SPIN1: variants seen among roughly 807,000 people sequenced by gnomAD.
SPIN1 encodes spindlin 1.
A neutral mutation model predicts 26.0 loss-of-function variants in SPIN1; 3 were observed. That is an observed-to-expected ratio of 0.12 (90% CI 0.05 to 0.30). The LOEUF (loss-of-function observed/expected upper bound fraction) is 0.30, where lower values mean the gene tolerates loss of function less well. Among genes scored for constraint, SPIN1 ranks in the 10% least tolerant of loss-of-function variants. SPIN1 has a pLI of 1.00. For synonymous variants in SPIN1, 101 were observed against 116.5 expected, an observed-to-expected ratio of 0.87 and a Z score of 0.86; for missense variants, 126 against 333.4, an observed-to-expected ratio of 0.38 and a Z score of 4.84.
At chr9:88,420,674 G>T (rs1481085177) in intron 1 of SPIN1, among the ~76,000 whole-genome samples, 1 of 152,186 alleles carries the variant, frequency 6.6e-6, no homozygotes, top group Non-Finnish European at 1.5e-5. Context: ...TTGTGTAAAA[G>T]AAGGAAGTTA....
intron 1 of SPIN1, among the ~76,000 whole-genome samples, chr9:88,396,334 C>T (rs1827057721): frequency 6.6e-6 from 1 of 151,786 alleles, no homozygotes; most frequent in Non-Finnish European, 1.5e-5. Flanking sequence ...CGGTGGCTCA[C>T]ACCTGTACTG....
At chr9:88,473,850 CA>C (rs2118238891) in intron 5 of SPIN1, among the ~76,000 whole-genome samples, 2 of 152,158 alleles carry the variant, frequency 1.3e-5, no homozygotes, top group Admixed American at 1.3e-4. Context: ...AAACGTGCCA[CA>C]AAAATATGGC....
intron 1 of SPIN1, among the ~76,000 whole-genome samples, chr9:88,421,195 T>C (rs992467437): frequency 7.2e-5 from 11 of 152,214 alleles, no homozygotes; most frequent in Non-Finnish European, 8.8e-5. Context: ...TTCTCAGGCA[T>C]AACCACAATG....
At chr9:88,397,629 GTT>G (rs797005965) in intron 1 of SPIN1, among the ~76,000 whole-genome samples, 10 of 145,102 alleles carry the variant, frequency 6.9e-5, no homozygotes, top group African/African-American at 2.0e-4. Flanking sequence ...TGTCTGAAGT[GTT>G]TTTTTTTTTT....
At chr9:88,433,280 G>A (rs1402167789) in intron 2 of SPIN1, among the ~76,000 whole-genome samples, 3 of 151,502 alleles carry the variant, frequency 2.0e-5, no homozygotes, top group African/African-American at 7.3e-5. Context: ...ATGGGGTTTC[G>A]CCATGTTGCC....
chr9:88,451,894 G>C (rs560774771), intron 3 of SPIN1, among the ~76,000 whole-genome samples: 2 of 152,252 alleles, frequency 1.3e-5, no homozygotes, highest in East Asian at 3.9e-4. Flanking sequence ...ATATAGTTGG[G>C]GGAGTGTCTA....
intron 4 of SPIN1, among the ~76,000 whole-genome samples, chr9:88,466,391 C>T (rs979514004): frequency 6.6e-6 from 1 of 152,176 alleles, no homozygotes; most frequent in South Asian, 2.1e-4. Flanking sequence ...CTCCTGGCCT[C>T]AAGCAATCCT....
At chr9:88,408,735 G>A (rs1183546012) in intron 1 of SPIN1, among the ~76,000 whole-genome samples, 10 of 146,138 alleles carry the variant, frequency 6.8e-5, no homozygotes, top group Admixed American at 2.1e-4. Context: ...GTGCAATGGC[G>A]CGATCTCGGC....
intron 1 of SPIN1, among the ~76,000 whole-genome samples, chr9:88,406,883 T>C (rs1827322541): frequency 6.6e-6 from 1 of 152,186 alleles, no homozygotes. Context: ...GTTGAGCTCA[T>C]TTTTATTCAC....
intron 3 of SPIN1, among the ~76,000 whole-genome samples, chr9:88,453,878 C>G (rs560631045): frequency 6.6e-6 from 1 of 152,292 alleles, no homozygotes; most frequent in East Asian, 1.9e-4. Flanking sequence ...AATCAGTACA[C>G]TAAATTATGG....
chr9:88,396,977 G>C (rs373872083), intron 1 of SPIN1, among the ~76,000 whole-genome samples: 9 of 152,192 alleles, frequency 5.9e-5, no homozygotes, highest in African/African-American at 2.2e-4. Context: ...TGGCATGCCT[G>C]TGTAGGGCAC....
At chr9:88,431,819 G>A (rs1368921268) in intron 2 of SPIN1, among the ~76,000 whole-genome samples, 4 of 152,108 alleles carry the variant, frequency 2.6e-5, no homozygotes. Flanking sequence ...GGAAGCTGAG[G>A]TAGGAGGATC....
chr9:88,388,770 C>T (rs904488589), intron 1 of SPIN1, among the ~76,000 whole-genome samples: 2 of 149,808 alleles, frequency 1.3e-5, no homozygotes, highest in Admixed American at 6.6e-5. Flanking sequence ...TGTTCGCCGG[C>T]CCCTACTCCT....
intron 3 of SPIN1, among the ~76,000 whole-genome samples, chr9:88,451,625 A>G (rs566099056): frequency 3.3e-5 from 5 of 152,190 alleles, no homozygotes; most frequent in South Asian, 2.1e-4. Flanking sequence ...CAGTGGTGCA[A>G]TCTTGGTTCA....
chr9:88,430,950 T>G (rs1827856836), intron 2 of SPIN1, among the ~76,000 whole-genome samples: 1 of 151,762 alleles, frequency 6.6e-6, no homozygotes, highest in Admixed American at 6.6e-5. Flanking sequence ...TGGCACGATC[T>G]TGGCTTACTG....
intron 1 of SPIN1, among the ~76,000 whole-genome samples, chr9:88,408,896 TCG>T (rs1827370648): frequency 6.6e-6 from 1 of 151,752 alleles, no homozygotes; most frequent in African/African-American, 2.4e-5. Flanking sequence ...GATCTCGACC[TCG>T]TGATCCGCCC....
chr9:88,442,020 C>T (rs1252482603), intron 2 of SPIN1, among the ~76,000 whole-genome samples: 12 of 144,766 alleles, frequency 8.3e-5, no homozygotes, highest in African/African-American at 2.6e-4. Flanking sequence ...GATGTGATGT[C>T]GGCTCACTGC....
At chr9:88,428,661 G>A (rs1213116762) in intron 2 of SPIN1, among the ~76,000 whole-genome samples, 1 of 152,056 alleles carries the variant, frequency 6.6e-6, no homozygotes, top group Non-Finnish European at 1.5e-5. Flanking sequence ...TTTTTAAAGG[G>A]TGAGATTGTT....
intron 2 of SPIN1, among the ~76,000 whole-genome samples, chr9:88,436,083 C>T (rs981881489): frequency 6.6e-6 from 1 of 151,828 alleles, no homozygotes; most frequent in Non-Finnish European, 1.5e-5. Context: ...ACTCTCTTGT[C>T]TTACTGTTTT....
Sources: gnomAD v4.1 joint callset for allele counts (sites outside exome capture counted in the v4.1 genomes callset) on GRCh38, gnomAD v4.1.1 for gene constraint, MANE v1.5 for transcripts, NCBI Gene and HGNC (gene_info 2026-07-23, HGNC 2026-07-21) for gene names.